The following BROX variants were observed in gnomAD, a reference collection of about 807,000 sequenced individuals.
BROX encodes BRO1 domain-containing protein BROX.
In BROX, 53 loss-of-function variants were observed where a neutral mutation model predicts 61.0. That is an observed-to-expected ratio of 0.87 (90% CI 0.70 to 1.09). The LOEUF (loss-of-function observed/expected upper bound fraction) is 1.09, where lower values mean the gene tolerates loss of function less well. Among genes scored for constraint, BROX ranks in the 50% least tolerant of loss-of-function variants. The pLI is 0.00. For missense variants in BROX, 489 were observed against 472.0 expected (o/e 1.04, Z -0.33); for synonymous variants, 152 against 160.2 (o/e 0.95, Z 0.38).
In BROX at chr1:222,712,944, T is replaced by TTTCTC; in HGVS notation, c.-17+2_-17+3insTTCTC. The TTTCTC allele has an allele frequency of 8.4e-7, 1 of 1,188,716 alleles. No homozygotes were observed. The highest frequency in any genetic ancestry group is 3.3e-5 in the Admixed American group (1 of 30,022). 73.6% of individuals were successfully genotyped at this position (1,188,716 alleles called of 1,614,324 possible). A position where few individuals can be genotyped will look rare whatever the true frequency, so the allele number is the denominator to read the frequency against. On this transcript the variant is annotated splice_region_variant and intron_variant, in intron 1 of 12. Coordinates refer to ENST00000340934, the MANE Select transcript of BROX (RefSeq NM_144695.4). ...GCTGAACCGACTCTGAGAAATTTGG[T>TTTCTC]AAGTATGTCAGAGGATGGGTGTTTC...
intron 12 of BROX, among the ~76,000 whole-genome samples, chr1:222,732,389 A>C (rs183845217): frequency 9.7e-4 from 148 of 152,266 alleles, no homozygotes; most frequent in Middle Eastern, 6.8e-3. Context: ...AAAAGTATGG[A>C]GTAGGAGTAC....
chr1:222,718,586 TTTGA>T (rs1251493880), intron 2 of BROX, among the ~76,000 whole-genome samples: 4 of 151,920 alleles, frequency 2.6e-5, no homozygotes, highest in South Asian at 4.2e-4. Flanking sequence ...CATGCATTTG[TTTGA>T]TTGTTTTTAA....
In BROX at chr1:222,731,479, C is replaced by T. The variant is rs548567702; in HGVS notation, c.1112C>T (p.Ala371Val). ...GTTCAGTGGACACCAGAAACATTGG[C>T]TGCATTTGATCTCACCAAAAGACCC... Reference protein sequence around the residue: ...TSVQWTPETLAAFDLTKRPKD... With the variant: ...TSVQWTPETLVAFDLTKRPKD... The change falls in exon 12 of 13, where the codon GCT (alanine) becomes GTT (valine). Residue 371 changes from alanine (A) to valine (V), a missense_variant. Physicochemically the swap from Ala to Val is moderately conservative, Grantham distance 64. Transcript: ENST00000340934. 8 of 1,602,152 alleles carry T rather than the reference C, an allele frequency of 5.0e-6. No homozygotes were observed. Among genetic ancestry groups the T allele is most frequent in the Admixed American group, 1.8e-5 (1 of 56,734 alleles).
intron 7 of BROX, among the ~76,000 whole-genome samples, chr1:222,726,159 C>T (rs770032538): frequency 3.9e-5 from 6 of 152,170 alleles, no homozygotes; most frequent in Non-Finnish European, 5.9e-5. Flanking sequence ...CTCTTTCACT[C>T]GTTGGCTTAC....
chr1:222,727,091 C>G, intron 7 of BROX, 77 bp from the exon 8 acceptor site: 1 of 1,007,838 alleles, frequency 9.9e-7, no homozygotes, highest in South Asian at 1.4e-5. Context: ...ATCAGACTGT[C>G]TTTTGCTATT....
At chr1:222,726,173 A>C (rs1051472939) in intron 7 of BROX, among the ~76,000 whole-genome samples, 1 of 152,178 alleles carries the variant, frequency 6.6e-6, no homozygotes, top group Non-Finnish European at 1.5e-5. Flanking sequence ...GGCTTACCTT[A>C]ATGTCTTCAC....
At chr1:222,719,604 T>G (rs1395945157) in intron 4 of BROX, among the ~76,000 whole-genome samples, 4 of 152,238 alleles carry the variant, frequency 2.6e-5, no homozygotes, top group Non-Finnish European at 1.5e-5. Context: ...TTGAACAGCC[T>G]TGACCTTTAA....
intron 7 of BROX, 109 bp from the exon 8 acceptor site, chr1:222,727,059 G>C (rs1657559161): frequency 1.3e-6 from 1 of 782,352 alleles, no homozygotes; most frequent in African/African-American, 1.8e-5. Flanking sequence ...TTAACAAACT[G>C]TATTAAAATC....
rs1393877719 is a variant in BROX, at chr1:222,712,788, C to A, written c.-171C>A. The A allele has an allele frequency of 7.8e-7, 1 of 1,289,348 alleles. No homozygotes were observed. The highest frequency in any genetic ancestry group is 1.5e-5 in the African/African-American group (1 of 66,020). 79.9% of individuals were successfully genotyped at this position (1,289,348 alleles called of 1,614,324 possible). ...CCGCCTCGGTAGCTATCATGGCCGC[C>A]GGGTCACGTGACTCCGGCTTGGCGC... On this transcript the variant is annotated 5_prime_UTR_variant, in exon 1 of 13. Transcript: ENST00000340934.
chr1:222,713,218 G>A, intron 1 of BROX: 13 of 986,052 alleles, frequency 1.3e-5, no homozygotes, highest in Non-Finnish European at 1.6e-5. Context: ...ACTGGGGTTC[G>A]TTCGGCCGTT....
chr1:222,727,952 G>A (rs1363911707), intron 8 of BROX, among the ~76,000 whole-genome samples: 1 of 152,164 alleles, frequency 6.6e-6, no homozygotes, highest in East Asian at 1.9e-4. Context: ...ACATAAGAAA[G>A]AACTTAGCAC....
At chr1:222,719,224 A>G (rs1272795119) in intron 3 of BROX, 39 bp from the exon 4 acceptor site, 3 of 1,458,570 alleles carry the variant, frequency 2.1e-6, no homozygotes, top group Non-Finnish European at 2.9e-6. Flanking sequence ...TATTTCTTCT[A>G]ATTCTTCTAA....
intron 3 of BROX, 95 bp from the exon 4 acceptor site, chr1:222,719,168 A>C: frequency 8.0e-7 from 1 of 1,254,750 alleles, no homozygotes; most frequent in South Asian, 1.3e-5. Context: ...TTTCATTCAG[A>C]CACCTGGAAA....
chr1:222,728,866 G>A (rs201668634), intron 9 of BROX, 38 bp downstream of exon 9: 107 of 1,467,116 alleles, frequency 7.3e-5, no homozygotes, highest in Admixed American at 1.7e-4. Context: ...GTAAATTATT[G>A]TTTCTCCAGC....
At chr1:222,715,024 C>G (rs1427882050) in intron 1 of BROX, 2 of 152,130 alleles carry the variant, frequency 1.3e-5, no homozygotes, top group Admixed American at 1.3e-4. Context: ...AGCAATATGT[C>G]GGAAATACAG....
rs748130787 is a variant in BROX, at chr1:222,729,688, A to G, written c.825A>G (p.Gln275=). ...GCGGTGAAGCAATCAGGTCTCTCCAAGAAGCAGAAAAATGTAAGTTTTCCT... is the reference window on the plus strand; with the variant it reads ...GCGGTGAAGCAATCAGGTCTCTCCAGGAAGCAGAAAAATGTAAGTTTTCCT... ...DKCGEAIRSL[Q]EAEKLYAKAE... is the part of the protein sequence containing the mutation. Residue 275 remains glutamine, a synonymous_variant, in exon 10 of 13, where the codon CAA becomes CAG. Transcript: ENST00000340934. 6 of 1,610,864 alleles carry G rather than the reference A, an allele frequency of 3.7e-6. No homozygotes were observed. The South Asian group carries it at 6.6e-5, about 18-fold the overall frequency.
chr1:222,714,325 C>A (rs1468207185), intron 1 of BROX, among the ~76,000 whole-genome samples: 1 of 150,836 alleles, frequency 6.6e-6, no homozygotes, highest in African/African-American at 2.4e-5. Flanking sequence ...GCCTCAGCCT[C>A]CCAAGTAGCT....
rs557539358 is a variant in BROX, at chr1:222,727,567, A to G, written c.670+310A>G. Among the ~76,000 whole-genome samples the G allele has an allele frequency of 5.3e-5, 8 of 152,294 alleles. No individual in the cohort carries two copies. In the South Asian group the frequency reaches 1.2e-3, roughly 24 times the overall value. On this transcript the variant is annotated intron_variant, in intron 8 of 12. Transcript: ENST00000340934. The stretch of plus-strand genomic sequence containing the variant: ...AGAATCCAAAATCCAGAGAGTTAAC[A>G]TGACCCATAATTCAACTGCTAGAAA...
intron 9 of BROX, 66 bp from the exon 10 acceptor site, chr1:222,729,550 GATAC>G (rs1657777966): frequency 8.3e-7 from 1 of 1,204,792 alleles, no homozygotes. Context: ...TTATCTGATA[GATAC>G]ATAAAACAAT....
Sources: allele counts gnomAD v4.1 joint callset (sites outside exome capture counted in the v4.1 genomes callset), GRCh38; gene constraint gnomAD v4.1.1; transcripts MANE v1.5; gene names NCBI Gene and HGNC (gene_info 2026-07-23, HGNC 2026-07-21).